GALNTL6: variants seen among roughly 807,000 people sequenced by gnomAD.
GALNTL6 encodes the protein polypeptide N-acetylgalactosaminyltransferase like 6, also known as polypeptide N-acetylgalactosaminyltransferase-like 6.
In GALNTL6, 46 loss-of-function variants were observed where a neutral mutation model predicts 73.7. That is an observed-to-expected ratio of 0.62 (90% CI 0.49 to 0.80). The LOEUF (loss-of-function observed/expected upper bound fraction) is 0.80. GALNTL6 is among the 30% of genes least tolerant of loss of function. GALNTL6 has a pLI of 0.00. For synonymous variants in GALNTL6, 259 were observed against 263.7 expected (o/e 0.98, Z 0.17); for missense variants, 604 against 755.0 (o/e 0.80, Z 2.34).
intron 10 of GALNTL6, among the ~76,000 whole-genome samples, chr4:172,999,405 A>G (rs563187756): frequency 6.6e-6 from 1 of 152,192 alleles, no homozygotes; most frequent in East Asian, 1.9e-4. Context: ...TCCTTCCAGC[A>G]CCCTCTATTA....
At chr4:172,240,097 T>C (rs1298414184) in intron 3 of GALNTL6, among the ~76,000 whole-genome samples, 1 of 152,208 alleles carries the variant, frequency 6.6e-6, no homozygotes, top group African/African-American at 2.4e-5. Flanking sequence ...TTGGGGAAAT[T>C]TTCCTGGATG....
At chr4:172,549,766 A>G (rs1211623268) in intron 5 of GALNTL6, among the ~76,000 whole-genome samples, 1 of 152,204 alleles carries the variant, frequency 6.6e-6, no homozygotes, top group Admixed American at 6.5e-5. Context: ...CTAAAAAACA[A>G]ATAGCACACT....
At chr4:171,851,215 C>G (rs919417240) in intron 2 of GALNTL6, among the ~76,000 whole-genome samples, 2 of 152,114 alleles carry the variant, frequency 1.3e-5, no homozygotes, top group Non-Finnish European at 2.9e-5. Flanking sequence ...CTTTACTTTT[C>G]CATCTCATAT....
At chr4:171,950,477 CTTTTCTTT>C (rs1738840521) in intron 2 of GALNTL6, among the ~76,000 whole-genome samples, 1 of 67,234 alleles carries the variant, frequency 1.5e-5, no homozygotes, top group Admixed American at 2.6e-4. Flanking sequence ...AAAATCTTTT[CTTTTCTTT>C]TTTTTTTTTT....
chr4:172,152,269 T>C (rs964419144), intron 2 of GALNTL6, among the ~76,000 whole-genome samples: 7 of 152,196 alleles, frequency 4.6e-5, no homozygotes, highest in Admixed American at 3.3e-4. Context: ...TGAGCCACAC[T>C]GCACTCGGAC....
intron 3 of GALNTL6, 125 bp downstream of exon 3, chr4:172,229,889 G>A: frequency 1.6e-6 from 1 of 620,262 alleles, no homozygotes; most frequent in Non-Finnish European, 2.8e-6. Flanking sequence ...GGATATTGGA[G>A]GTGATACTGG....
At chr4:172,435,010 T>C (rs148188826) in intron 5 of GALNTL6, among the ~76,000 whole-genome samples, 53 of 152,276 alleles carry the variant, frequency 3.5e-4, no homozygotes, top group African/African-American at 1.2e-3. Flanking sequence ...GTAATAAATA[T>C]TTACTTTATA....
In GALNTL6 at chr4:171,962,925, G is replaced by A. The variant is rs758970332; in HGVS notation, c.138+148207G>A. On this transcript the variant is annotated intron_variant, in intron 2 of 12. Transcript: ENST00000506823. Reference sequence around the variant, plus strand: ...TGGGACTATAGGTGTGCACCACCATGCCCAGCTAATTTTTGTATTTTTAAT... The same window carrying A: ...TGGGACTATAGGTGTGCACCACCATACCCAGCTAATTTTTGTATTTTTAAT... Among the ~76,000 whole-genome samples the A allele has an allele frequency of 7.3e-4, 111 of 151,768 alleles. No individual in the cohort carries two copies. In the Middle Eastern group the frequency reaches 0.017, roughly 23 times the overall value.
intron 6 of GALNTL6, among the ~76,000 whole-genome samples, chr4:172,811,322 A>G (rs1223066902): frequency 6.6e-6 from 1 of 152,234 alleles, no homozygotes; most frequent in Non-Finnish European, 1.5e-5. Flanking sequence ...AGTGAAAAGG[A>G]AATTTGAAGG....
rs189657873 is a variant in GALNTL6 at position 173,030,074 on chromosome 4, T to G, written c.1638+8449T>G. ...CAGCTTGCCCATAAGAAAACAAAATTGGACTCTTCAAACATCTTGCTGAAA... is the reference window on the plus strand; with the variant it reads ...CAGCTTGCCCATAAGAAAACAAAATGGGACTCTTCAAACATCTTGCTGAAA... On this transcript the variant is annotated intron_variant, in intron 12 of 12. Coordinates refer to ENST00000506823, the MANE Select transcript of GALNTL6 (RefSeq NM_001034845.3). Among the ~76,000 whole-genome samples, 17 of 152,286 alleles carry G rather than the reference T, an allele frequency of 1.1e-4. No individual in the cohort carries two copies. The East Asian group carries it at 3.3e-3, about 29-fold the overall frequency.
chr4:172,254,204 G>A (rs1579303430), intron 3 of GALNTL6, among the ~76,000 whole-genome samples: 1 of 151,918 alleles, frequency 6.6e-6, no homozygotes, highest in Middle Eastern at 3.4e-3. Flanking sequence ...TCATAATGAG[G>A]AACCTTTCAT....
intron 2 of GALNTL6, among the ~76,000 whole-genome samples, chr4:172,025,883 A>G (rs1741557966): frequency 6.6e-6 from 1 of 151,998 alleles, no homozygotes; most frequent in Admixed American, 6.6e-5. Context: ...AAACCAGTAA[A>G]ATAAACAAAT....
At chr4:172,081,168 C>T (rs758217205) in intron 2 of GALNTL6, among the ~76,000 whole-genome samples, 65 of 152,300 alleles carry the variant, frequency 4.3e-4, no homozygotes, top group Non-Finnish European at 8.5e-4. Flanking sequence ...AAGCTAGAAC[C>T]GAGCCCTCAA....
At chr4:171,889,495 C>G (rs760017497) in intron 2 of GALNTL6, among the ~76,000 whole-genome samples, 5 of 151,978 alleles carry the variant, frequency 3.3e-5, no homozygotes, top group Non-Finnish European at 7.4e-5. Context: ...TGACATATAT[C>G]AAATCAATCT....
chr4:172,971,591 A>G (rs1352682569), intron 10 of GALNTL6, among the ~76,000 whole-genome samples: 1 of 152,256 alleles, frequency 6.6e-6, no homozygotes, highest in African/African-American at 2.4e-5. Flanking sequence ...GGAGTAAAAC[A>G]GTATCATCTA....
chr4:172,399,014 A>G (rs1452826171), intron 5 of GALNTL6, among the ~76,000 whole-genome samples: 6 of 152,232 alleles, frequency 3.9e-5, no homozygotes, highest in South Asian at 4.1e-4. Flanking sequence ...GATAGCTTCT[A>G]TATTTTATTT....
intron 5 of GALNTL6, among the ~76,000 whole-genome samples, chr4:172,458,086 A>G (rs994484723): frequency 6.6e-6 from 1 of 152,088 alleles, no homozygotes; most frequent in Non-Finnish European, 1.5e-5. Flanking sequence ...CCACACAACC[A>G]CATGGAAACT....
chr4:172,919,123 G>A (rs1490438125), intron 8 of GALNTL6, among the ~76,000 whole-genome samples: 1 of 152,160 alleles, frequency 6.6e-6, no homozygotes, highest in Non-Finnish European at 1.5e-5. Flanking sequence ...AACCCTCACT[G>A]TTTACGAAAA....
rs559026427 is a variant in GALNTL6, at chr4:172,996,402, G to A, written c.1372-12776G>A. On this transcript the variant is annotated intron_variant, in intron 10 of 12. Transcript: ENST00000506823. ...GGGGGCTATGGGAGGGTGGAGGGTG[G>A]GAGGAAGGAGAGATCAGGAAAAATA... 1.1e-3 allele frequency among the ~76,000 whole-genome samples: 170 copies of A among 152,034 alleles called. 6 individuals carry two copies. In the South Asian group the frequency reaches 0.035, roughly 31 times the overall value.
Sources: allele counts gnomAD v4.1 joint callset (sites outside exome capture counted in the v4.1 genomes callset), GRCh38; gene constraint gnomAD v4.1.1; transcripts MANE v1.5; gene names NCBI Gene and HGNC (gene_info 2026-07-23, HGNC 2026-07-21).